The following ARHGAP32 variants were observed in gnomAD, a reference collection of about 807,000 sequenced individuals.
ARHGAP32 encodes the protein rho GTPase-activating protein 32.
In ARHGAP32, 51 loss-of-function variants were observed where a neutral mutation model predicts 186.5. The ratio of observed to expected loss-of-function variants is 0.27; its 90% CI spans 0.22 to 0.35. ARHGAP32 has a LOEUF of 0.35. Among genes scored for constraint, ARHGAP32 ranks in the 10% least tolerant of loss-of-function variants. The probability of loss-of-function intolerance (pLI) is 1.00; values close to 1 mark genes in which losing one functional copy is unlikely to be tolerated. For missense variants in ARHGAP32, 2,186 were observed against 2,623.5 expected (o/e 0.83, Z 3.64); for synonymous variants, 950 against 964.3 (o/e 0.99, Z 0.27).
At chr11:128,977,853 TA>T (rs869098834) in intron 19 of ARHGAP32, among the ~76,000 whole-genome samples, 9 of 14,920 alleles carry the variant, frequency 6.0e-4, no homozygotes, top group African/African-American at 2.1e-3. Flanking sequence ...ATTTGCAATT[TA>T]TTATTATTAT....
At chr11:129,193,549 A>AT (rs1491369040), upstream of ARHGAP32, among the ~76,000 whole-genome samples, 49 of 50,004 alleles carry the variant, frequency 9.8e-4, 1 homozygote, top group African/African-American at 1.5e-3. Flanking sequence ...TATTATATAT[A>AT]ATATATATAT....
At chr11:129,067,037 T>C (rs1940717115) in intron 6 of ARHGAP32, among the ~76,000 whole-genome samples, 169 bp from the exon 7 acceptor site, 1 of 152,012 alleles carries the variant, frequency 6.6e-6, no homozygotes, top group South Asian at 2.1e-4. Context: ...TCTAATAAGT[T>C]ATATTACATT....
chr11:129,102,382 C>A (rs1280160525), intron 5 of ARHGAP32, among the ~76,000 whole-genome samples: 1 of 152,066 alleles, frequency 6.6e-6, no homozygotes, highest in African/African-American at 2.4e-5. Flanking sequence ...GGGCTAAATA[C>A]CCCAATTAAA....
At chr11:129,181,334 A>G (rs1428195600) in intron 1 of ARHGAP32, among the ~76,000 whole-genome samples, 1 of 152,106 alleles carries the variant, frequency 6.6e-6, no homozygotes, top group Non-Finnish European at 1.5e-5. Flanking sequence ...CTGTGTACAA[A>G]TATGCCTCAA....
At chr11:129,024,279 G>A (rs939956746) in intron 11 of ARHGAP32, 1 of 452,708 alleles carries the variant, frequency 2.2e-6, no homozygotes, top group Non-Finnish European at 2.9e-6. Flanking sequence ...CCCCACACAG[G>A]TGAGCACTTC....
At chr11:129,063,002 T>C in intron 9 of ARHGAP32, among the ~76,000 whole-genome samples, 1 of 152,210 alleles carries the variant, frequency 6.6e-6, no homozygotes, top group South Asian at 2.1e-4. Flanking sequence ...ATCATAAATA[T>C]AAAAATTACA....
At position 128,971,056 on chromosome 11, in the gene ARHGAP32, C is replaced by A; in HGVS notation, c.4157G>T (p.Cys1386Phe). The A allele has an allele frequency of 1.2e-6, 2 of 1,614,160 alleles. No homozygotes were observed. Among genetic ancestry groups the A allele is most frequent in the Non-Finnish European group, 1.7e-6 (2 of 1,180,036 alleles). Residue 1386 changes from cysteine (C) to phenylalanine (F), a missense_variant, in exon 23 of 23, where the codon TGT becomes TTT. By Grantham distance (205) the Cys-to-Phe change is radical. Around this residue, in one of 5 missense-constraint regions of ARHGAP32, gnomAD observed 1,502 missense variants for 1,570.0 expected, o/e 0.96. Coordinates refer to ENST00000682385, the MANE Select transcript of ARHGAP32 (RefSeq NM_001378024.1). ...ISDSGAAAAQ[C>F]PMATAVQPGL... ...TGGCTGGACAGCTGTAGCCATGGGA[C>A]ACTGAGCAGCAGCAGCACCACTGTC...
chr11:129,022,711 A>G (rs1281197204), intron 11 of ARHGAP32, among the ~76,000 whole-genome samples: 2 of 152,182 alleles, frequency 1.3e-5, no homozygotes, highest in African/African-American at 4.8e-5. Flanking sequence ...AACTTTGAGA[A>G]TCCCTGAGGT....
At chr11:129,163,380 A>G (rs1361679924) in intron 2 of ARHGAP32, among the ~76,000 whole-genome samples, 2 of 152,210 alleles carry the variant, frequency 1.3e-5, no homozygotes, top group African/African-American at 4.8e-5. Context: ...TTAATAAACT[A>G]AATGAGTATC....
chr11:129,046,771 T>G (rs11221549), intron 10 of ARHGAP32, among the ~76,000 whole-genome samples: 42,005 of 151,806 alleles, frequency 0.28, 6,312 homozygotes, highest in Middle Eastern at 0.41. Flanking sequence ...TTTGAGGCAA[T>G]CAACAAAAAC....
chr11:129,161,689 C>A (rs1355847185), intron 2 of ARHGAP32, among the ~76,000 whole-genome samples: 2 of 152,184 alleles, frequency 1.3e-5, no homozygotes, highest in Non-Finnish European at 1.5e-5. Flanking sequence ...CACTTTTACA[C>A]TGTTGGTGGG....
intron 1 of ARHGAP32, among the ~76,000 whole-genome samples, chr11:129,174,185 G>A (rs1943842899): frequency 6.6e-6 from 1 of 152,214 alleles, no homozygotes; most frequent in African/African-American, 2.4e-5. Flanking sequence ...GTGACAGACG[G>A]CACCTGGAAA....
At chr11:129,117,844 C>T (rs1289467958) in intron 5 of ARHGAP32, among the ~76,000 whole-genome samples, 13 of 151,198 alleles carry the variant, frequency 8.6e-5, no homozygotes, top group South Asian at 8.3e-4. Flanking sequence ...CATTTCTTTG[C>T]GTGTTACAAG....
At chr11:129,256,412 T>C (rs1945255138) in intron 1 of ARHGAP32, among the ~76,000 whole-genome samples, 1 of 152,180 alleles carries the variant, frequency 6.6e-6, no homozygotes, top group South Asian at 2.1e-4. Context: ...AATTGTGCTA[T>C]AACTACATGG....
chr11:129,065,348 G>A (rs142678852), intron 7 of ARHGAP32, among the ~76,000 whole-genome samples: 283 of 152,092 alleles, frequency 1.9e-3, no homozygotes, highest in African/African-American at 6.5e-3. Context: ...ATGTTCATAC[G>A]TGATCCTATA....
At chr11:129,042,253 C>T (rs371282930) in intron 10 of ARHGAP32, among the ~76,000 whole-genome samples, 7 of 152,162 alleles carry the variant, frequency 4.6e-5, no homozygotes, top group African/African-American at 1.7e-4. Context: ...CAGGCTCAAA[C>T]AATTCTCGCA....
At chr11:129,278,540 A>G (rs1945562950) in intron 1 of ARHGAP32, among the ~76,000 whole-genome samples, 1 of 152,210 alleles carries the variant, frequency 6.6e-6, no homozygotes, top group Non-Finnish European at 1.5e-5. Context: ...AAGTCAAAAA[A>G]CGGGAAACCA....
At chr11:129,039,819 T>A (rs1167347417) in intron 11 of ARHGAP32, among the ~76,000 whole-genome samples, 1 of 152,184 alleles carries the variant, frequency 6.6e-6, no homozygotes, top group Non-Finnish European at 1.5e-5. Context: ...AGTACCCACT[T>A]AGGAGCTTTT....
At chr11:129,062,575 T>C (rs902013540) in intron 9 of ARHGAP32, among the ~76,000 whole-genome samples, 2 of 152,202 alleles carry the variant, frequency 1.3e-5, no homozygotes, top group Admixed American at 6.5e-5. Context: ...ACAAAGACTG[T>C]GATTCAACTA....
Sources: gnomAD v4.1 joint callset for allele counts (sites outside exome capture counted in the v4.1 genomes callset) on GRCh38, gnomAD v4.1.1 for gene constraint, gnomAD v4.1.1 regional missense constraint, MANE v1.5 for transcripts, NCBI Gene and HGNC (gene_info 2026-07-23, HGNC 2026-07-21) for gene names.